Variants in TUBA8 observed in about 807,000 individuals in gnomAD.
TUBA8 encodes the protein tubulin alpha 8, also known as tubulin alpha-8 chain.
Under a neutral mutation model 34.7 loss-of-function variants are expected in TUBA8, and 29 were observed. The ratio of observed to expected loss-of-function variants is 0.84; its 90% CI spans 0.62 to 1.14. The LOEUF is 1.14. TUBA8 is among the 50% of genes most tolerant of loss of function. TUBA8 has a pLI of 0.00. For missense variants in TUBA8, 541 were observed against 599.2 expected, an observed-to-expected ratio of 0.90 and a Z score of 1.01; for synonymous variants, 226 against 231.2, an observed-to-expected ratio of 0.98 and a Z score of 0.21.
intron 4 of TUBA8, chr22:18,130,533 CCACCT>C (rs1442871665): frequency 2.3e-6 from 1 of 442,034 alleles, no homozygotes; most frequent in Non-Finnish European, 4.2e-6. Flanking sequence ...AGTGATCCTT[CCACCT>C]CAGCCTCCCT....
In TUBA8 at chr22:18,110,874, G is replaced by T; in HGVS notation, c.3+6G>T. 6.5e-7 allele frequency: 1 copy of T among 1,547,852 alleles called. No individual in the cohort carries two copies. ...CGAGGACAGCGGCAGCGATGGTGAG[G>T]CTTCCCGGGGCCAGGCGGGCTGCGG... On this transcript the variant is annotated splice_donor_region_variant and intron_variant, in intron 1 of 4. Coordinates refer to ENST00000330423, the MANE Select transcript of TUBA8 (RefSeq NM_018943.3). The surrounding 1 kb of genome is among the most constrained non-coding windows in gnomAD (Gnocchi z 6.2).
At chr22:18,120,886 G>T (rs908400926) in intron 1 of TUBA8, 3 of 156,030 alleles carry the variant, frequency 1.9e-5, no homozygotes, top group African/African-American at 7.2e-5. Flanking sequence ...TGCAGGAAGG[G>T]CCTAATTTAT....
rs1211205502 is a variant in TUBA8, at chr22:18,119,701, G to C, written c.4-1778G>C. 1 of 152,480 alleles carries C rather than the reference G, an allele frequency of 6.6e-6. No individual in the cohort carries two copies. The highest frequency in any genetic ancestry group is 2.4e-5 in the African/African-American group (1 of 41,468). The allele number at this position is 152,480 out of a possible 1,614,324, so 9.4% of individuals were successfully genotyped here. A position where few individuals can be genotyped will look rare whatever the true frequency, so the allele number is the denominator to read the frequency against. On this transcript the variant is annotated intron_variant, in intron 1 of 4. Transcript: ENST00000330423. This position sits in a 1 kb window ranked among gnomAD's most constrained non-coding sequence, Gnocchi z 5.9. ...TGTAGCACAGAGACAGGACTAGAGT[G>C]GGGGCACAGTTGTAAAATTGAACTA...
Position 18,126,182 on chromosome 22 carries a change from A to T in TUBA8, c.376-172A>T, listed in dbSNP as rs1459491290. Reference sequence around the variant, plus strand: ...CCTGGCCCCATCCCATATTTTAGCCACTCCTCCAAAGATCAATACAACTCC... The same window carrying T: ...CCTGGCCCCATCCCATATTTTAGCCTCTCCTCCAAAGATCAATACAACTCC... On this transcript the variant is annotated intron_variant, in intron 3 of 4. Coordinates refer to ENST00000330423, the MANE Select transcript of TUBA8 (RefSeq NM_018943.3). The surrounding 1 kb of genome is among the most constrained non-coding windows in gnomAD (Gnocchi z 4.0). 3 of 650,766 alleles carry T rather than the reference A, an allele frequency of 4.6e-6. No individual in the cohort carries two copies. Among genetic ancestry groups the T allele is most frequent in the Non-Finnish European group, 5.3e-6 (2 of 376,694 alleles). 40.3% of individuals were successfully genotyped at this position (650,766 alleles called of 1,614,324 possible).
chr22:18,124,624 T>A lies in TUBA8; in HGVS notation c.375+320T>A, dbSNP rs1439171197. The A allele has an allele frequency of 3.7e-6, 1 of 267,600 alleles. No individual in the cohort carries two copies. The highest frequency in any genetic ancestry group is 2.1e-5 in the African/African-American group (1 of 46,654). 16.6% of individuals were successfully genotyped at this position (267,600 alleles called of 1,614,324 possible). The stretch of plus-strand genomic sequence containing the variant: ...GTCGGAAACACAGGTTAACAAAGCA[T>A]TTAACTTGGAAGAGGAGAGGAAGAG... On this transcript the variant is annotated intron_variant, in intron 3 of 4. Coordinates refer to ENST00000330423, the MANE Select transcript of TUBA8 (RefSeq NM_018943.3). The surrounding 1 kb of genome is among the most constrained non-coding windows in gnomAD (Gnocchi z 4.3).
At position 18,126,061 on chromosome 22, in the gene TUBA8, C is replaced by T; in HGVS notation, c.376-293C>T. 2.2e-6 allele frequency: 1 copy of T among 446,602 alleles called. No homozygotes were observed. The highest frequency in any genetic ancestry group is 3.8e-5 in the Admixed American group (1 of 26,336). The allele number at this position is 446,602 out of a possible 1,614,324, so 27.7% of individuals were successfully genotyped here. A position where few individuals can be genotyped will look rare whatever the true frequency, so the allele number is the denominator to read the frequency against. ...AATTTTTTGTAGATGCGAGGTCTCA[C>T]TATGTTGCCCATGCTGGTTGTGAAC... On this transcript the variant is annotated intron_variant, in intron 3 of 4. Transcript: ENST00000330423. The surrounding 1 kb of genome is among the most constrained non-coding windows in gnomAD (Gnocchi z 4.0).
intron 1 of TUBA8, chr22:18,112,037 A>G (rs1484374778): frequency 6.6e-6 from 1 of 151,992 alleles, no homozygotes; most frequent in Non-Finnish European, 1.5e-5. Flanking sequence ...ACAGGAACCT[A>G]TTTCTGCCTG....
In TUBA8 at chr22:18,126,498, GC is replaced by G. The variant is rs771279683; in HGVS notation, c.526del (p.Gln176ArgfsTer14). The G allele has an allele frequency of 4.3e-6, 7 of 1,614,034 alleles. No homozygotes were observed. Among genetic ancestry groups the G allele is most frequent in the Non-Finnish European group, 5.9e-6 (7 of 1,180,006 alleles). ...KSKLEFAIYPAPQVSTAVVEP... is the reference protein window; with the variant it reads ...KSKLEFAIYPXPQVSTAVVEP... The stretch of plus-strand genomic sequence containing the variant: ...CAAGCTGGAGTTTGCCATCTACCCA[GC>G]CCCCCAGGTCTCTACTGCAGTGGTG... On this transcript the variant is annotated frameshift_variant, in exon 4 of 5. Coordinates refer to ENST00000330423, the MANE Select transcript of TUBA8 (RefSeq NM_018943.3). LOFTEE classifies it high-confidence loss of function. This position sits in a 1 kb window ranked among gnomAD's most constrained non-coding sequence, Gnocchi z 4.0.
In TUBA8 at chr22:18,121,808, TGCAACCGCA is replaced by T; in HGVS notation, c.226+110_226+118del. On this transcript the variant is annotated intron_variant, in intron 2 of 4. Coordinates refer to ENST00000330423, the MANE Select transcript of TUBA8 (RefSeq NM_018943.3). This position sits in a 1 kb window ranked among gnomAD's most constrained non-coding sequence, Gnocchi z 4.8. ...GTCTCTAGCTGGAAGGTGGGGATGGTGCAACCGCAGCCTCCCACCCCACGTGACATCTGT... is the reference window on the plus strand; with the variant it reads ...GTCTCTAGCTGGAAGGTGGGGATGGTGCCTCCCACCCCACGTGACATCTGT... 2 of 1,126,136 alleles carry T rather than the reference TGCAACCGCA, an allele frequency of 1.8e-6. No individual in the cohort carries two copies. Among genetic ancestry groups the T allele is most frequent in the Non-Finnish European group, 2.6e-6 (2 of 774,594 alleles). The allele number at this position is 1,126,136 out of a possible 1,614,324, so 69.8% of individuals were successfully genotyped here.
chr22:18,130,765 C>G, intron 4 of TUBA8, 78 bp from the exon 5 acceptor site: 2 of 1,595,870 alleles, frequency 1.3e-6, no homozygotes, highest in Non-Finnish European at 1.7e-6. Flanking sequence ...GCCAAGTGAC[C>G]AAGATGTCCC....
intron 4 of TUBA8, chr22:18,127,303 G>T: frequency 2.4e-6 from 1 of 422,494 alleles, no homozygotes; most frequent in Non-Finnish European, 4.3e-6. Context: ...TGAGCAACAA[G>T]TAATGATTTG....
Position 18,121,140 on chromosome 22 carries a change from G to A in TUBA8, c.4-339G>A, listed in dbSNP as rs1455146125. On this transcript the variant is annotated intron_variant, in intron 1 of 4. Transcript: ENST00000330423. This position sits in a 1 kb window ranked among gnomAD's most constrained non-coding sequence, Gnocchi z 4.8. The stretch of plus-strand genomic sequence containing the variant: ...CTGAAGGAGAGTTTCTGCCATGATC[G>A]CCAGTTCTTCCTTGGGCCTTCTTCA... 9.1e-6 allele frequency: 3 copies of A among 328,308 alleles called. No homozygotes were observed. The highest frequency in any genetic ancestry group is 2.1e-5 in the African/African-American group (1 of 47,194). 20.3% of individuals were successfully genotyped at this position (328,308 alleles called of 1,614,324 possible).
chr22:18,113,769 A>C (rs1230752509), intron 1 of TUBA8: 2 of 152,524 alleles, frequency 1.3e-5, no homozygotes, highest in Non-Finnish European at 2.9e-5. Context: ...CTCCCATCAC[A>C]AAAGGCAGGT....
chr22:18,131,294 A>C lies in TUBA8; in HGVS notation c.*158A>C. ...GTACCCAGGGTGGCACGACTGGGCT[A>C]AGTGGACACTGAGCTTCATCAGGCC... On this transcript the variant is annotated 3_prime_UTR_variant, in exon 5 of 5. Transcript: ENST00000330423. This position sits in a 1 kb window ranked among gnomAD's most constrained non-coding sequence, Gnocchi z 5.3. 1.4e-6 allele frequency: 1 copy of C among 719,974 alleles called. No individual in the cohort carries two copies. Among genetic ancestry groups the C allele is most frequent in the Non-Finnish European group, 2.3e-6 (1 of 428,030 alleles). The allele number at this position is 719,974 out of a possible 1,614,324, so 44.6% of individuals were successfully genotyped here. A position where few individuals can be genotyped will look rare whatever the true frequency, so the allele number is the denominator to read the frequency against.
chr22:18,121,447 T>A lies in TUBA8; in HGVS notation c.4-32T>A. ...GCAAAGGCATGCTGGGGGCCCAGAC[T>A]CTCTGACCTCGTTGCTTCCCTCTCC... On this transcript the variant is annotated intron_variant, in intron 1 of 4. Coordinates refer to ENST00000330423, the MANE Select transcript of TUBA8 (RefSeq NM_018943.3). This position sits in a 1 kb window ranked among gnomAD's most constrained non-coding sequence, Gnocchi z 4.8. 6.3e-7 allele frequency: 1 copy of A among 1,596,746 alleles called. No individual in the cohort carries two copies.
intron 1 of TUBA8, chr22:18,113,871 T>C (rs114676121): frequency 0.026 from 3,978 of 152,294 alleles, 165 homozygotes; most frequent in African/African-American, 0.091. Flanking sequence ...GGTGAGTCCA[T>C]TGGGAGCCCC....
At chr22:18,130,071 G>A (rs934307561) in intron 4 of TUBA8, 1 of 152,150 alleles carries the variant, frequency 6.6e-6, no homozygotes, top group Non-Finnish European at 1.5e-5. Flanking sequence ...AAAACCTAGA[G>A]CCTGGTTAAC....
Position 18,126,311 on chromosome 22 carries a change from A to G in TUBA8, c.376-43A>G. On this transcript the variant is annotated intron_variant, in intron 3 of 4. Transcript: ENST00000330423. This position sits in a 1 kb window ranked among gnomAD's most constrained non-coding sequence, Gnocchi z 4.0. ...CTTTTTTACTGTGGGGTGTTCTCGGAAACTTGTCTTCATGATTTCTTCTCA... is the reference window on the plus strand; with the variant it reads ...CTTTTTTACTGTGGGGTGTTCTCGGGAACTTGTCTTCATGATTTCTTCTCA... 4 of 1,605,182 alleles carry G rather than the reference A, an allele frequency of 2.5e-6. No individual in the cohort carries two copies. Among genetic ancestry groups the G allele is most frequent in the Non-Finnish European group, 3.4e-6 (4 of 1,172,112 alleles).
At position 18,110,842 on chromosome 22, in the gene TUBA8, G is replaced by T; in HGVS notation, c.-24G>T. ...GGGCGGGCAGGCCCAGCTGAGAGGT[G>T]CGCGGGCGAGGACAGCGGCAGCGAT... On this transcript the variant is annotated 5_prime_UTR_variant, in exon 1 of 5. Coordinates refer to ENST00000330423, the MANE Select transcript of TUBA8 (RefSeq NM_018943.3). This position sits in a 1 kb window ranked among gnomAD's most constrained non-coding sequence, Gnocchi z 6.2. The T allele has an allele frequency of 6.5e-7, 1 of 1,542,498 alleles. No homozygotes were observed. Among genetic ancestry groups the T allele is most frequent in the African/African-American group, 1.4e-5 (1 of 73,688 alleles).
Sources: gnomAD v4.1 joint callset for allele counts on GRCh38, gnomAD v4.1.1 for gene constraint, Gnocchi (gnomAD v3.1) non-coding constraint, MANE v1.5 for transcripts, NCBI Gene and HGNC (gene_info 2026-07-23, HGNC 2026-07-21) for gene names.